Variants in ARRB2 observed in about 807,000 individuals in gnomAD.
ARRB2 encodes arrestin beta 2.
A neutral mutation model predicts 53.4 loss-of-function variants in ARRB2; 21 were observed. The observed-to-expected ratio is 0.39, with a 90% confidence interval of 0.28 to 0.57. The LOEUF (loss-of-function observed/expected upper bound fraction) is 0.57, where lower values mean the gene tolerates loss of function less well. Among genes scored for constraint, ARRB2 ranks in the 20% least tolerant of loss-of-function variants. The probability of loss-of-function intolerance (pLI) is 0.55; values close to 1 mark genes in which losing one functional copy is unlikely to be tolerated. For synonymous variants in ARRB2, 180 were observed against 212.9 expected (o/e 0.85, Z 1.34); for missense variants, 369 against 527.5 (o/e 0.70, Z 2.94).
intron 8 of ARRB2, 38 bp downstream of exon 8, chr17:4,718,061 G>A: frequency 6.2e-7 from 1 of 1,610,684 alleles, no homozygotes; most frequent in Non-Finnish European, 8.5e-7. Context: ...CCACGGTGCA[G>A]TTTAGACCCT....
chr17:4,715,456 T>C, intron 2 of ARRB2: 1 of 264,366 alleles, frequency 3.8e-6, no homozygotes, highest in Non-Finnish European at 7.3e-6. Flanking sequence ...GGCTGAGTTC[T>C]CCCCGAGGAT....
chr17:4,721,191 T>TC lies in ARRB2; in HGVS notation c.*158dup. On this transcript the variant is annotated 3_prime_UTR_variant, in exon 15 of 15. Coordinates refer to ENST00000269260, the MANE Select transcript of ARRB2 (RefSeq NM_004313.4). This position sits in a 1 kb window ranked among gnomAD's most constrained non-coding sequence, Gnocchi z 4.2. ...CAATCCCTTCACACTCTCTCCCCCATCCCCCCAAGATACACACTGGACCCT... is the reference window on the plus strand; with the variant it reads ...CAATCCCTTCACACTCTCTCCCCCATCCCCCCCAAGATACACACTGGACCCT... 1.4e-6 allele frequency: 1 copy of TC among 723,726 alleles called. No individual in the cohort carries two copies. The highest frequency in any genetic ancestry group is 2.3e-6 in the Non-Finnish European group (1 of 443,024). The allele number at this position is 723,726 out of a possible 1,614,324, so 44.8% of individuals were successfully genotyped here. A position where few individuals can be genotyped will look rare whatever the true frequency, so the allele number is the denominator to read the frequency against.
At chr17:4,719,911 G>A (rs751112098) in intron 11 of ARRB2, among the ~76,000 whole-genome samples, 2 of 152,174 alleles carry the variant, frequency 1.3e-5, no homozygotes, top group African/African-American at 2.4e-5. Context: ...AGGCCCGGAG[G>A]GCAACTTAGG....
At position 4,710,686 on chromosome 17, in the gene ARRB2, G is replaced by A. The variant is rs1476979449; in HGVS notation, c.-36G>A. ...GGCAGCGGGCGAGGAGGCTGCGAGC[G>A]AGCCGCGAACCGAGCGGGCGGCGGG... On this transcript the variant is annotated 5_prime_UTR_variant, in exon 1 of 15. Transcript: ENST00000269260. 7.5e-6 allele frequency: 3 copies of A among 398,454 alleles called. No homozygotes were observed. Among genetic ancestry groups the A allele is most frequent in the South Asian group, 1.2e-4 (1 of 8,048 alleles). 24.7% of individuals were successfully genotyped at this position (398,454 alleles called of 1,614,324 possible).
chr17:4,717,067 C>T lies in ARRB2; in HGVS notation c.358-150C>T. On this transcript the variant is annotated intron_variant, in intron 5 of 14. Transcript: ENST00000269260. The surrounding 1 kb of genome is among the most constrained non-coding windows in gnomAD (Gnocchi z 6.0). ...CAGGCTGGTCTGGAACCCCTGACCT[C>T]AGGTGATCCGCCCACCTTAGCCTTC... is the stretch of plus-strand genomic sequence containing the variant. 3 of 881,296 alleles carry T rather than the reference C, an allele frequency of 3.4e-6. No homozygotes were observed. Among genetic ancestry groups the T allele is most frequent in the Non-Finnish European group, 5.5e-6 (3 of 543,536 alleles). 54.6% of individuals were successfully genotyped at this position (881,296 alleles called of 1,614,324 possible). A position where few individuals can be genotyped will look rare whatever the true frequency, so the allele number is the denominator to read the frequency against.
chr17:4,713,645 C>T (rs907302542), intron 1 of ARRB2, among the ~76,000 whole-genome samples: 1 of 146,280 alleles, frequency 6.8e-6, no homozygotes, highest in African/African-American at 2.5e-5. Flanking sequence ...AAAAAATTAG[C>T]CAGGCATGAT....
intron 11 of ARRB2, 35 bp downstream of exon 11, chr17:4,719,455 C>T (rs1169480625): frequency 3.1e-6 from 5 of 1,608,862 alleles, no homozygotes; most frequent in South Asian, 2.2e-5. Flanking sequence ...CCCTGCAGGC[C>T]AGGGGCCAGA....
chr17:4,716,288 A>G, intron 4 of ARRB2, 97 bp downstream of exon 4: 5 of 1,607,078 alleles, frequency 3.1e-6, no homozygotes, highest in Non-Finnish European at 4.3e-6. Context: ...TGGAGGCTGG[A>G]GGTGGAAGCC....
In ARRB2 at chr17:4,719,232, T is replaced by C; in HGVS notation, c.780-51T>C. ...CTGCTTGGGGGTCATAGGCCGCCCC[T>C]TGCCCAGCCCAGCGCCCCTAAGCAT... On this transcript the variant is annotated intron_variant, in intron 10 of 14. Coordinates refer to ENST00000269260, the MANE Select transcript of ARRB2 (RefSeq NM_004313.4). 3 of 1,582,464 alleles carry C rather than the reference T, an allele frequency of 1.9e-6. No homozygotes were observed. In the South Asian group the frequency reaches 3.5e-5, roughly 18 times the overall value.
In ARRB2 at chr17:4,717,157, T is replaced by C. The variant is rs1274455219; in HGVS notation, c.358-60T>C. On this transcript the variant is annotated intron_variant, in intron 5 of 14. Coordinates refer to ENST00000269260, the MANE Select transcript of ARRB2 (RefSeq NM_004313.4). This position sits in a 1 kb window ranked among gnomAD's most constrained non-coding sequence, Gnocchi z 6.0. ...CGTCTCCAGCCTCTTAGGTTGAGAT[T>C]TGGAGGAAGATCTGGGGGCTTTCTG... 3 of 1,565,504 alleles carry C rather than the reference T, an allele frequency of 1.9e-6. No homozygotes were observed. Among genetic ancestry groups the C allele is most frequent in the Admixed American group, 1.7e-5 (1 of 59,896 alleles).
chr17:4,712,904 T>G (rs993869188), intron 1 of ARRB2, among the ~76,000 whole-genome samples: 14 of 152,320 alleles, frequency 9.2e-5, no homozygotes, highest in African/African-American at 2.9e-4. Context: ...ACACTTGACC[T>G]CTCTCTGCCT....
Position 4,720,591 on chromosome 17 carries a change from C to T in ARRB2, c.1087C>T (p.Pro363Ser). 6.3e-7 allele frequency: 1 copy of T among 1,589,938 alleles called. No homozygotes were observed. The highest frequency in any genetic ancestry group is 8.5e-7 in the Non-Finnish European group (1 of 1,170,746). ...IPLPRPQSAA[P>S]ETDVPVDTNL... is the part of the protein sequence containing the mutation. ...CCCTCTTCCCGTCCCCCCAGCCGCT[C>T]CGGAGACAGATGTCCCTGTGGACAC... is the stretch of plus-strand genomic sequence containing the variant. The change falls in exon 14 of 15, where the codon CCG (proline) becomes TCG (serine). Residue 363 changes from proline (P) to serine (S), a missense_variant. Coordinates refer to ENST00000269260, the MANE Select transcript of ARRB2 (RefSeq NM_004313.4).
In ARRB2 at chr17:4,717,823, T is replaced by G; in HGVS notation, c.486-65T>G. The G allele has an allele frequency of 6.2e-7, 1 of 1,601,794 alleles. No individual in the cohort carries two copies. Among genetic ancestry groups the G allele is most frequent in the Non-Finnish European group, 8.5e-7 (1 of 1,173,792 alleles). The stretch of plus-strand genomic sequence containing the variant: ...CCCGCTTCCAGGAGCCCAGGCCCCG[T>G]GCGGGGGAGGAGTAGGGTTGGGGTG... On this transcript the variant is annotated intron_variant, in intron 7 of 14. Coordinates refer to ENST00000269260, the MANE Select transcript of ARRB2 (RefSeq NM_004313.4). The surrounding 1 kb of genome is among the most constrained non-coding windows in gnomAD (Gnocchi z 6.0).
At chr17:4,711,378 A>C (rs1821930627) in intron 1 of ARRB2, among the ~76,000 whole-genome samples, 1 of 152,048 alleles carries the variant, frequency 6.6e-6, no homozygotes, top group South Asian at 2.1e-4. Flanking sequence ...TTTTCTGTGC[A>C]ATCGAGGCTC....
chr17:4,720,324 T>TG (rs1567687463), intron 12 of ARRB2, 25 bp downstream of exon 12: 2 of 1,613,178 alleles, frequency 1.2e-6, no homozygotes, highest in South Asian at 1.1e-5. Flanking sequence ...GGAGCCTGGG[T>TG]GGGGGTCACA....
chr17:4,715,480 C>CGCACAG (rs1249780268), intron 2 of ARRB2: 8 of 131,916 alleles, frequency 6.1e-5, no homozygotes, highest in African/African-American at 4.4e-4. Context: ...AACACACACA[C>CGCACAG]ACACAGACAC....
intron 2 of ARRB2, chr17:4,715,361 C>T (rs1597477254): frequency 7.1e-6 from 3 of 424,892 alleles, no homozygotes; most frequent in Non-Finnish European, 4.2e-6. Context: ...GAAAACCTAA[C>T]AGCCCCCGGG....
chr17:4,721,010 G>C lies in ARRB2; in HGVS notation c.1201G>C (p.Asp401His). 1 of 1,613,926 alleles carries C rather than the reference G, an allele frequency of 6.2e-7. No homozygotes were observed. Among genetic ancestry groups the C allele is most frequent in the Non-Finnish European group, 8.5e-7 (1 of 1,179,906 alleles). ...CCGGCTTCGGCTGAAGGGGATGAAG[G>C]ATGACGACTATGATGATCAACTCTG... ...FARLRLKGMK[D>H]DDYDDQLC The change falls in exon 15 of 15, where the codon GAT (aspartate) becomes CAT (histidine). Residue 401 changes from aspartate (D) to histidine (H), a missense_variant. Physicochemically the swap from Asp to His is moderately conservative, Grantham distance 81. Coordinates refer to ENST00000269260, the MANE Select transcript of ARRB2 (RefSeq NM_004313.4). This position sits in a 1 kb window ranked among gnomAD's most constrained non-coding sequence, Gnocchi z 4.2.
chr17:4,716,209 A>G lies in ARRB2; in HGVS notation c.160+18A>G, dbSNP rs771324161. 1 of 1,613,754 alleles carries G rather than the reference A, an allele frequency of 6.2e-7. No individual in the cohort carries two copies. Among genetic ancestry groups the G allele is most frequent in the South Asian group, 1.1e-5 (1 of 91,066 alleles). On this transcript the variant is annotated intron_variant, in intron 4 of 14. Transcript: ENST00000269260. ...CCGCAAAGGTACTGGCCCCAAGTCC[A>G]GGGGGCCCAGGGAAAGTGGGGGCTA...
Sources: gnomAD v4.1 joint callset for allele counts (sites outside exome capture counted in the v4.1 genomes callset) on GRCh38, gnomAD v4.1.1 for gene constraint, Gnocchi (gnomAD v3.1) non-coding constraint, MANE v1.5 for transcripts, NCBI Gene and HGNC (gene_info 2026-07-23, HGNC 2026-07-21) for gene names.